The following GHR variants were observed in gnomAD, a reference collection of about 807,000 sequenced individuals.
The protein encoded by GHR is growth hormone receptor, also known as GH receptor.
Under a neutral mutation model 67.1 loss-of-function variants are expected in GHR, and 35 were observed. The ratio of observed to expected loss-of-function variants is 0.52; its 90% CI spans 0.40 to 0.69. The LOEUF (loss-of-function observed/expected upper bound fraction) is 0.69, where lower values mean the gene tolerates loss of function less well. GHR is among the 30% of genes least tolerant of loss of function. The pLI is 0.00. For synonymous variants in GHR, 272 were observed against 269.1 expected, an observed-to-expected ratio of 1.01 and a Z score of -0.10; for missense variants, 792 against 764.6, an observed-to-expected ratio of 1.04 and a Z score of -0.42.
At chr5:42,442,027 G>A in intron 1 of GHR, among the ~76,000 whole-genome samples, 1 of 152,184 alleles carries the variant, frequency 6.6e-6, no homozygotes, top group Non-Finnish European at 1.5e-5. Context: ...ATTCTAGAAG[G>A]AAGCCAAAGG....
intron 1 of GHR, among the ~76,000 whole-genome samples, chr5:42,430,359 C>T (rs540900382): frequency 1.4e-3 from 211 of 152,266 alleles, no homozygotes; most frequent in South Asian, 2.9e-3. Context: ...CACACACACA[C>T]ACATACACAC....
intron 2 of GHR, among the ~76,000 whole-genome samples, chr5:42,595,533 T>A (rs896633196): frequency 7.2e-5 from 11 of 152,260 alleles, no homozygotes; most frequent in African/African-American, 2.7e-4. Flanking sequence ...GGTCTCACTT[T>A]TCCTTTGTTC....
At chr5:42,635,977 G>A (rs1350775068) in intron 3 of GHR, among the ~76,000 whole-genome samples, 3 of 151,840 alleles carry the variant, frequency 2.0e-5, no homozygotes, top group Non-Finnish European at 4.4e-5. Flanking sequence ...TTGGGAGGCC[G>A]AGGTGGGCGG....
intron 3 of GHR, among the ~76,000 whole-genome samples, chr5:42,680,343 T>C (rs1756796558): frequency 6.6e-6 from 1 of 152,220 alleles, no homozygotes; most frequent in South Asian, 2.1e-4. Flanking sequence ...CATTCTTCTC[T>C]TCTAAAACTG....
At chr5:42,476,182 C>T (rs1745305869) in intron 1 of GHR, among the ~76,000 whole-genome samples, 1 of 151,880 alleles carries the variant, frequency 6.6e-6, no homozygotes, top group African/African-American at 2.4e-5. Context: ...GGATTACAGG[C>T]GTGAGCCACC....
Position 42,498,198 on chromosome 5 carries a change from C to G in GHR, c.-11-67666C>G, listed in dbSNP as rs1407599332. On this transcript the variant is annotated intron_variant, in intron 1 of 9. Coordinates refer to ENST00000230882, the MANE Select transcript of GHR (RefSeq NM_000163.5). ...GCTTAAAGGGAATCTCTTTCATATGCCTAGAGCCTTGTTTACTCAGTTCAG... is the reference window on the plus strand; with the variant it reads ...GCTTAAAGGGAATCTCTTTCATATGGCTAGAGCCTTGTTTACTCAGTTCAG... Among the ~76,000 whole-genome samples, 3 of 152,170 alleles carry G rather than the reference C, an allele frequency of 2.0e-5. No homozygotes were observed. The East Asian group carries it at 5.8e-4, about 29-fold the overall frequency.
intron 1 of GHR, among the ~76,000 whole-genome samples, chr5:42,510,555 A>C (rs1746967980): frequency 6.6e-6 from 1 of 152,244 alleles, no homozygotes; most frequent in South Asian, 2.1e-4. Flanking sequence ...TTACGATTGG[A>C]ATAGAACACT....
chr5:42,436,007 G>C (rs1858136), intron 1 of GHR, among the ~76,000 whole-genome samples: 32,848 of 152,152 alleles, frequency 0.22, 3,824 homozygotes, highest in Middle Eastern at 0.28. Context: ...CTAAGAGGTA[G>C]TCATAAGAGT....
At chr5:42,477,137 G>GTT (rs974866290) in intron 1 of GHR, among the ~76,000 whole-genome samples, 1 of 148,748 alleles carries the variant, frequency 6.7e-6, no homozygotes, top group Non-Finnish European at 1.5e-5. Context: ...GCGGTGTTTG[G>GTT]TTTTTTTTCC....
chr5:42,527,127 A>G (rs1216884280), intron 1 of GHR, among the ~76,000 whole-genome samples: 1 of 152,166 alleles, frequency 6.6e-6, no homozygotes, highest in Non-Finnish European at 1.5e-5. Flanking sequence ...ACTAAAACAC[A>G]CTTAAATACA....
At position 42,481,238 on chromosome 5, in the gene GHR, A is replaced by G. The variant is rs544679862; in HGVS notation, c.-12+57283A>G. Among the ~76,000 whole-genome samples the G allele has an allele frequency of 3.4e-4, 52 of 152,284 alleles. 1 individual carries two copies. In the South Asian group the frequency reaches 6.8e-3, roughly 20 times the overall value. On this transcript the variant is annotated intron_variant, in intron 1 of 9. Coordinates refer to ENST00000230882, the MANE Select transcript of GHR (RefSeq NM_000163.5). Reference sequence around the variant, plus strand: ...GCCCCCACTCTCTTCTGGCTTGTAGAGTTTCTGCCGAGAGATTAGCTTTTA... The same window carrying G: ...GCCCCCACTCTCTTCTGGCTTGTAGGGTTTCTGCCGAGAGATTAGCTTTTA...
chr5:42,574,804 T>G (rs1434250706), intron 2 of GHR, among the ~76,000 whole-genome samples: 2 of 152,198 alleles, frequency 1.3e-5, no homozygotes, highest in Non-Finnish European at 2.9e-5. Flanking sequence ...TTCTCCAACA[T>G]GTTTAGAACT....
intron 2 of GHR, among the ~76,000 whole-genome samples, chr5:42,599,609 C>G (rs539073791): frequency 3.3e-5 from 5 of 152,042 alleles, no homozygotes; most frequent in Non-Finnish European, 5.9e-5. Flanking sequence ...TCCACCCCCC[C>G]GCCTCTTGGC....
chr5:42,645,313 G>A (rs1485463743), intron 3 of GHR, among the ~76,000 whole-genome samples: 1 of 152,182 alleles, frequency 6.6e-6, no homozygotes, highest in African/African-American at 2.4e-5. Context: ...GTTGATGTGA[G>A]CTATCAAATA....
At chr5:42,697,990 A>G (rs1402257695) in intron 5 of GHR, among the ~76,000 whole-genome samples, 3 of 152,096 alleles carry the variant, frequency 2.0e-5, no homozygotes, top group Non-Finnish European at 2.9e-5. Flanking sequence ...CGGAATGTGG[A>G]TTAGTGAGGA....
rs546218289 is a variant in GHR, at chr5:42,522,792, G to C, written c.-11-43072G>C. ...ATTATTTTTCTGGTTTTAAGAAAGA[G>C]TCTGAAAATCTAGAGATTACTTACC... On this transcript the variant is annotated intron_variant, in intron 1 of 9. Transcript: ENST00000230882. 5.3e-5 allele frequency among the ~76,000 whole-genome samples: 8 copies of C among 152,296 alleles called. No individual in the cohort carries two copies. In the South Asian group the frequency reaches 1.7e-3, roughly 32 times the overall value.
intron 3 of GHR, among the ~76,000 whole-genome samples, chr5:42,669,880 G>A (rs6451632): frequency 0.83 from 126,065 of 152,138 alleles, 52,479 homozygotes; most frequent in East Asian, 1. Context: ...ATTGAAGATG[G>A]TAAAAATAAA....
At chr5:42,667,067 A>G (rs781656241) in intron 3 of GHR, among the ~76,000 whole-genome samples, 4 of 152,080 alleles carry the variant, frequency 2.6e-5, no homozygotes, top group Non-Finnish European at 5.9e-5. Flanking sequence ...ATCTAACACT[A>G]ACTTCCATGA....
intron 5 of GHR, among the ~76,000 whole-genome samples, chr5:42,698,840 A>G (rs1025268157): frequency 3.3e-5 from 5 of 152,212 alleles, no homozygotes; most frequent in African/African-American, 1.2e-4. Context: ...ATGAGATCCA[A>G]CTAGCAAAAA....
Sources: allele counts gnomAD v4.1 joint callset (sites outside exome capture counted in the v4.1 genomes callset), GRCh38; gene constraint gnomAD v4.1.1; transcripts MANE v1.5; gene names NCBI Gene and HGNC (gene_info 2026-07-23, HGNC 2026-07-21).